The following ENOX1 variants were observed in gnomAD, a reference collection of about 807,000 sequenced individuals.
ENOX1 encodes the protein ecto-NOX disulfide-thiol exchanger 1.
A neutral mutation model predicts 82.5 loss-of-function variants in ENOX1; 42 were observed. That is an observed-to-expected ratio of 0.51 (90% CI 0.40 to 0.66). The LOEUF (loss-of-function observed/expected upper bound fraction) is 0.66. Among genes scored for constraint, ENOX1 ranks in the 30% least tolerant of loss-of-function variants. ENOX1 has a pLI of 0.00. For synonymous variants in ENOX1, 271 were observed against 282.2 expected, an observed-to-expected ratio of 0.96 and a Z score of 0.40; for missense variants, 608 against 811.6, an observed-to-expected ratio of 0.75 and a Z score of 3.05.
At chr13:43,389,845 G>A (rs1478732314) in intron 5 of ENOX1, among the ~76,000 whole-genome samples, 1 of 152,168 alleles carries the variant, frequency 6.6e-6, no homozygotes, top group Non-Finnish European at 1.5e-5. Flanking sequence ...ATGGAGCCAA[G>A]ACAGTAGGGT....
chr13:43,629,684 T>C (rs1325964507), intron 2 of ENOX1, among the ~76,000 whole-genome samples: 5 of 152,240 alleles, frequency 3.3e-5, no homozygotes, highest in African/African-American at 9.6e-5. Context: ...ACCAATTACA[T>C]TTCTGCAGAG....
chr13:43,411,841 A>C, intron 5 of ENOX1, 75 bp downstream of exon 5: 2 of 1,575,196 alleles, frequency 1.3e-6, no homozygotes, highest in Non-Finnish European at 1.7e-6. Context: ...CGCGGTACAG[A>C]GAGATTACCA....
intron 11 of ENOX1, among the ~76,000 whole-genome samples, chr13:43,311,081 T>C (rs930384386): frequency 6.6e-6 from 1 of 151,896 alleles, no homozygotes; most frequent in African/African-American, 2.4e-5. Context: ...AGGTGATACT[T>C]TGGGGACTAC....
chr13:43,689,164 T>C (rs756475510), intron 1 of ENOX1, among the ~76,000 whole-genome samples: 2 of 152,274 alleles, frequency 1.3e-5, no homozygotes, highest in Non-Finnish European at 2.9e-5. Flanking sequence ...TCTAGCTGTG[T>C]TTGTTTCTAG....
At chr13:43,726,852 G>A (rs749715525) in intron 1 of ENOX1, among the ~76,000 whole-genome samples, 7 of 151,604 alleles carry the variant, frequency 4.6e-5, no homozygotes, top group African/African-American at 1.2e-4. Context: ...AGCAATTCTC[G>A]TGCCTCAGCC....
chr13:43,421,877 A>G (rs1367287177), intron 3 of ENOX1, among the ~76,000 whole-genome samples: 1 of 150,144 alleles, frequency 6.7e-6, no homozygotes, highest in East Asian at 1.9e-4. Flanking sequence ...TACGTTTTAT[A>G]TAAAATATAA....
chr13:43,244,153 C>G (rs1466615587), intron 14 of ENOX1, among the ~76,000 whole-genome samples: 2 of 150,482 alleles, frequency 1.3e-5, no homozygotes, highest in African/African-American at 4.9e-5. Context: ...TAACTTTAGG[C>G]AGGGCATTTC....
In ENOX1 at chr13:43,587,218, C is replaced by T. The variant is rs137959754; in HGVS notation, c.-219+80261G>A. Among the ~76,000 whole-genome samples, 371 of 152,300 alleles carry T rather than the reference C, an allele frequency of 2.4e-3. 3 individuals are homozygous for T. The South Asian group carries it at 0.025, about 10-fold the overall frequency. On this transcript the variant is annotated intron_variant, in intron 2 of 16. Coordinates refer to ENST00000690772, the MANE Select transcript of ENOX1 (RefSeq NM_001347969.2). The stretch of plus-strand genomic sequence containing the variant: ...CAATTTTGCTCCAGATGAGGACCCA[C>T]GCAAAACTACTTCTATGCTTTCCTT...
chr13:43,723,135 G>A (rs966468656), intron 1 of ENOX1, among the ~76,000 whole-genome samples: 1 of 152,138 alleles, frequency 6.6e-6, no homozygotes, highest in African/African-American at 2.4e-5. Context: ...CTTAGGCCCC[G>A]CCTTGGCAGA....
intron 2 of ENOX1, among the ~76,000 whole-genome samples, chr13:43,620,859 C>G (rs913455622): frequency 1.3e-5 from 2 of 152,084 alleles, no homozygotes; most frequent in African/African-American, 4.8e-5. Flanking sequence ...AAGTCCCACA[C>G]TATTATTGTG....
At chr13:43,526,054 T>C (rs2077977213) in intron 2 of ENOX1, among the ~76,000 whole-genome samples, 2 of 152,162 alleles carry the variant, frequency 1.3e-5, no homozygotes, top group Non-Finnish European at 2.9e-5. Context: ...ATTTGATCCA[T>C]GCAATGCTTA....
rs80278070 is a variant in ENOX1 at position 43,690,640 on chromosome 13, C to A, written c.-284-23096G>T. The stretch of plus-strand genomic sequence containing the variant: ...AAAGAGACCAGCCAGTGGATATAAG[C>A]AAGGAAAAACTCCGCAAGCAGCATT... On this transcript the variant is annotated intron_variant, in intron 1 of 16. Transcript: ENST00000690772. 4.3e-4 allele frequency among the ~76,000 whole-genome samples: 65 copies of A among 152,258 alleles called. 1 individual carries two copies. In the East Asian group the frequency reaches 0.012, roughly 27 times the overall value.
At chr13:43,573,344 C>A (rs1256580411) in intron 2 of ENOX1, among the ~76,000 whole-genome samples, 1 of 152,122 alleles carries the variant, frequency 6.6e-6, no homozygotes, top group African/African-American at 2.4e-5. Flanking sequence ...AACCCACATG[C>A]CCTTATTCCC....
At chr13:43,780,855 A>G (rs1366849347) in intron 1 of ENOX1, among the ~76,000 whole-genome samples, 4 of 152,226 alleles carry the variant, frequency 2.6e-5, no homozygotes, top group African/African-American at 9.6e-5. Flanking sequence ...TACTGAAGTC[A>G]TTACAGACCT....
chr13:43,626,832 T>A (rs980728635), intron 2 of ENOX1, among the ~76,000 whole-genome samples: 1 of 151,966 alleles, frequency 6.6e-6, no homozygotes, highest in Non-Finnish European at 1.5e-5. Flanking sequence ...TGAGATATTC[T>A]ATATCCTTAC....
chr13:43,707,715 G>A (rs1266329616), intron 1 of ENOX1, among the ~76,000 whole-genome samples: 4 of 94,852 alleles, frequency 4.2e-5, no homozygotes, highest in Non-Finnish European at 7.4e-5. Context: ...CCTGGTGACA[G>A]AGAAAGACTC....
At position 43,706,357 on chromosome 13, in the gene ENOX1, G is replaced by GA. The variant is rs202241037; in HGVS notation, c.-284-38814dup. Among the ~76,000 whole-genome samples the GA allele has an allele frequency of 2.1e-4, 31 of 148,844 alleles. No homozygotes were observed. In the East Asian group the frequency reaches 3.1e-3, roughly 15 times the overall value. On this transcript the variant is annotated intron_variant, in intron 1 of 16. Coordinates refer to ENST00000690772, the MANE Select transcript of ENOX1 (RefSeq NM_001347969.2). ...TCAGCAGGGCCAATTTGGGTTCTTG[G>GA]AAAAAAAAAGAAAGAAAGAGGCGGA... is the stretch of plus-strand genomic sequence containing the variant.
chr13:43,504,143 T>C (rs930093110), intron 2 of ENOX1, among the ~76,000 whole-genome samples: 24 of 151,718 alleles, frequency 1.6e-4, no homozygotes, highest in African/African-American at 4.8e-4. Context: ...ACCTCACACC[T>C]GTTAGGCTAT....
chr13:43,334,875 A>C (rs568647138), intron 9 of ENOX1, among the ~76,000 whole-genome samples: 3 of 152,052 alleles, frequency 2.0e-5, no homozygotes, highest in Non-Finnish European at 4.4e-5. Context: ...GGAAACTTAC[A>C]GAAGTGGGGC....
Sources: allele counts gnomAD v4.1 joint callset (sites outside exome capture counted in the v4.1 genomes callset), GRCh38; gene constraint gnomAD v4.1.1; transcripts MANE v1.5; gene names NCBI Gene and HGNC (gene_info 2026-07-23, HGNC 2026-07-21).